ZFYVE26: variants seen among roughly 807,000 people sequenced by gnomAD.
ZFYVE26 encodes zinc finger FYVE-type containing 26.
Under a neutral mutation model 276.5 loss-of-function variants are expected in ZFYVE26, and 181 were observed. The observed-to-expected ratio is 0.65, with a 90% CI of 0.58 to 0.74. The LOEUF (loss-of-function observed/expected upper bound fraction) is 0.74, where lower values mean the gene tolerates loss of function less well. ZFYVE26 is among the 30% of genes least tolerant of loss of function. ZFYVE26 has a pLI of 0.00. For missense variants in ZFYVE26, 2,821 were observed against 3,097.9 expected (o/e 0.91, Z 2.12); for synonymous variants, 1,129 against 1,203.1 (o/e 0.94, Z 1.27).
chr14:67,807,957 A>T (rs1270578646), intron 4 of ZFYVE26, 37 bp from the exon 5 acceptor site: 1 of 1,612,476 alleles, frequency 6.2e-7, no homozygotes, highest in East Asian at 2.2e-5. Context: ...GGTGGTGGGC[A>T]TGCCTGGAAT....
chr14:67,777,721 G>A lies in ZFYVE26; in HGVS notation c.4812C>T (p.Ile1604=), dbSNP rs1408008814. 1 of 1,614,204 alleles carries A rather than the reference G, an allele frequency of 6.2e-7. No homozygotes were observed. Among genetic ancestry groups the A allele is most frequent in the South Asian group, 1.1e-5 (1 of 91,082 alleles). The part of the protein sequence containing the change: ...HDKALQLLRR[I]PDPTMCLEVT... ...CTTCAAGGCACATGGTGGGGTCAGG[G>A]ATTCTTCGCAGGAGCTATTGTCAAA... is the stretch of plus-strand genomic sequence containing the variant. Residue 1604 remains isoleucine, a synonymous_variant, in exon 25 of 42, where the codon ATC becomes ATT. Transcript: ENST00000347230.
chr14:67,798,573 C>T lies in ZFYVE26; in HGVS notation c.1689G>A (p.Leu563=), dbSNP rs2040010088. The change falls in exon 11 of 42, where the codon CTG becomes CTA. Residue 563 remains leucine, a synonymous_variant. Transcript: ENST00000347230. ...GGCACAGAGAGTCAGGAATACTGCACAGATACTGTTGACACCTGGCCAGGT... is the reference window on the plus strand; with the variant it reads ...GGCACAGAGAGTCAGGAATACTGCATAGATACTGTTGACACCTGGCCAGGT... ...STYLARCQQY[L]CSIPDSLCLE... 6.2e-7 allele frequency: 1 copy of T among 1,613,966 alleles called. No homozygotes were observed. Among genetic ancestry groups the T allele is most frequent in the Non-Finnish European group, 8.5e-7 (1 of 1,180,046 alleles).
At chr14:67,809,786 T>G (rs1406730621) in intron 3 of ZFYVE26, among the ~76,000 whole-genome samples, 1 of 17,646 alleles carries the variant, frequency 5.7e-5, no homozygotes, top group Non-Finnish European at 1.1e-4. Context: ...TTTTCTCTTT[T>G]TTTTTTTTTT....
In ZFYVE26 at chr14:67,756,005, T is replaced by C. The variant is rs1438688995; in HGVS notation, c.6729A>G (p.Gln2243=). 2 of 1,614,118 alleles carry C rather than the reference T, an allele frequency of 1.2e-6. No individual in the cohort carries two copies. Among genetic ancestry groups the C allele is most frequent in the East Asian group, 4.5e-5 (2 of 44,908 alleles). Reference sequence around the variant, plus strand: ...GGTAGTAGTTCTTCTTCTGTAAATGTTGGCAGGCAGCAATCAAGTACTTTC... The same window carrying C: ...GGTAGTAGTTCTTCTTCTGTAAATGCTGGCAGGCAGCAATCAAGTACTTTC... ...SWGKYLIAAC[Q]HLQKKNYYHI... Residue 2243 remains glutamine, a synonymous_variant, in exon 36 of 42, where the codon CAA becomes CAG. Coordinates refer to ENST00000347230, the MANE Select transcript of ZFYVE26 (RefSeq NM_015346.4).
In ZFYVE26 at chr14:67,774,070, C is replaced by T. The variant is rs1232602730; in HGVS notation, c.5320+946G>A. Among the ~76,000 whole-genome samples, 3 of 152,184 alleles carry T rather than the reference C, an allele frequency of 2.0e-5. 1 individual carries two copies. The highest frequency in any genetic ancestry group is 4.1e-4 in the South Asian group (2 of 4,822). On this transcript the variant is annotated intron_variant, in intron 27 of 41. Transcript: ENST00000347230. ...ACTAGATTGCATATTTGTAAAGTTG[C>T]TTGTTTGTTAACATTTGTAACCTCA...
At chr14:67,797,828 G>A (rs1241342805) in intron 11 of ZFYVE26, 73 bp from the exon 12 acceptor site, 11 of 1,593,302 alleles carry the variant, frequency 6.9e-6, no homozygotes, top group Non-Finnish European at 9.4e-6. Context: ...GGCATAACAG[G>A]TTGGGGAAGG....
At chr14:67,761,769 AACAAAT>A in intron 34 of ZFYVE26, 185 bp from the exon 35 acceptor site, 1 of 488,014 alleles carries the variant, frequency 2.0e-6, no homozygotes, top group Non-Finnish European at 3.5e-6. Context: ...AAAATAAAAA[AACAAAT>A]AAAGAAAGAA....
intron 23 of ZFYVE26, 101 bp from the exon 24 acceptor site, chr14:67,778,349 AT>A: frequency 1.4e-6 from 2 of 1,464,688 alleles, no homozygotes; most frequent in East Asian, 2.3e-5. Context: ...ATAAGTGCTG[AT>A]GGGAACTTCA....
intron 6 of ZFYVE26, among the ~76,000 whole-genome samples, chr14:67,806,235 TCTC>T (rs946094434): frequency 4.6e-5 from 7 of 152,180 alleles, no homozygotes; most frequent in Middle Eastern, 3.2e-3. Context: ...GTAATTAAAT[TCTC>T]CTGTCAGCTA....
chr14:67,742,014 G>A (rs570610430), downstream of ZFYVE26, among the ~76,000 whole-genome samples: 8 of 152,166 alleles, frequency 5.3e-5, no homozygotes, highest in Non-Finnish European at 4.4e-5. Context: ...CCCACGGAGC[G>A]GTCCATCTCT....
chr14:67,750,965 T>C, intron 41 of ZFYVE26, 87 bp downstream of exon 41: 1 of 1,509,078 alleles, frequency 6.6e-7, no homozygotes, highest in Non-Finnish European at 9.2e-7. Context: ...TATGGAACTA[T>C]TGTGGGGAGC....
At chr14:67,795,237 C>A (rs1325554314) in intron 12 of ZFYVE26, among the ~76,000 whole-genome samples, 1 of 152,206 alleles carries the variant, frequency 6.6e-6, no homozygotes, top group African/African-American at 2.4e-5. Flanking sequence ...TGGATGCAAA[C>A]TCTGCCTTCT....
At chr14:67,796,534 C>A (rs1219686409) in intron 12 of ZFYVE26, 2 of 152,038 alleles carry the variant, frequency 1.3e-5, no homozygotes, top group African/African-American at 4.8e-5. Context: ...GTTCACAACA[C>A]AAAGAAATGA....
Position 67,755,148 on chromosome 14 carries a change from C to T in ZFYVE26, c.6889G>A (p.Asp2297Asn). Residue 2297 changes from aspartate (D) to asparagine (N), a missense_variant, in exon 37 of 42, where the codon GAC (aspartate) becomes AAC (asparagine). Coordinates refer to ENST00000347230, the MANE Select transcript of ZFYVE26 (RefSeq NM_015346.4). ...EKLSWLLKAK[D>N]HLKIYLQETS... ...TCTTGGAGGTAGATCTTCAGGTGGT[C>T]CTTGGCCTTAAGTAGCCATGAGAGC... The T allele has an allele frequency of 6.2e-7, 1 of 1,614,150 alleles. No homozygotes were observed. Among genetic ancestry groups the T allele is most frequent in the Non-Finnish European group, 8.5e-7 (1 of 1,180,032 alleles).
intron 10 of ZFYVE26, among the ~76,000 whole-genome samples, chr14:67,800,629 CG>C (rs896667463): frequency 3.9e-5 from 6 of 152,100 alleles, no homozygotes; most frequent in African/African-American, 1.4e-4. Context: ...CTCATAGTAA[CG>C]GTTTGTGAGA....
chr14:67,732,943 A>G (rs4899222), intron 13 of ZFYVE26, among the ~76,000 whole-genome samples: 18,376 of 152,044 alleles, frequency 0.12, 1,149 homozygotes, highest in Admixed American at 0.14. Context: ...GACTTTTATA[A>G]TTAGAAAAAA....
intron 21 of ZFYVE26, 122 bp from the exon 22 acceptor site, chr14:67,781,651 T>G (rs1455731900): frequency 1.1e-6 from 1 of 882,820 alleles, no homozygotes; most frequent in East Asian, 2.6e-5. Flanking sequence ...GGAGGATCCT[T>G]AAGATGGATG....
Position 67,805,546 on chromosome 14 carries a change from G to A in ZFYVE26, c.1090C>T (p.Pro364Ser), listed in dbSNP as rs199920212. ...LGCLLDREFR[P>S]LSCLLVLLGW... ...AGGAGTACAAGCAGGCAACTGAGGG[G>A]CCTGAATTCTCTATCAAGTAGGCAG... is the stretch of plus-strand genomic sequence containing the variant. Residue 364 changes from proline (P) to serine (S), a missense_variant, in exon 7 of 42, where the codon CCC (proline) becomes TCC (serine). Pro to Ser is a moderately conservative substitution (Grantham distance 74). Coordinates refer to ENST00000347230, the MANE Select transcript of ZFYVE26 (RefSeq NM_015346.4). 3.6e-5 allele frequency: 58 copies of A among 1,614,082 alleles called. No individual in the cohort carries two copies. The highest frequency in any genetic ancestry group is 4.0e-5 in the African/African-American group (3 of 74,936).
intron 14 of ZFYVE26, among the ~76,000 whole-genome samples, chr14:67,791,648 T>A (rs1442323566): frequency 6.6e-6 from 1 of 150,828 alleles, no homozygotes; most frequent in Non-Finnish European, 1.5e-5. Flanking sequence ...AAAATAAAAG[T>A]TTTTATTGAA....
Sources: allele counts gnomAD v4.1 joint callset (sites outside exome capture counted in the v4.1 genomes callset), GRCh38; gene constraint gnomAD v4.1.1; transcripts MANE v1.5; gene names NCBI Gene and HGNC (gene_info 2026-07-23, HGNC 2026-07-21).